The following NEDD4 variants were observed in gnomAD, a reference collection of about 807,000 sequenced individuals.
The protein encoded by NEDD4 is NEDD4 E3 ubiquitin protein ligase.
Under a neutral mutation model 144.9 loss-of-function variants are expected in NEDD4, and 99 were observed. The ratio of observed to expected loss-of-function variants is 0.68; its 90% CI spans 0.58 to 0.81. The LOEUF is 0.81. NEDD4 is among the 30% of genes least tolerant of loss of function. NEDD4 has a pLI of 0.00. For synonymous variants in NEDD4, 318 were observed against 350.6 expected, an observed-to-expected ratio of 0.91 and a Z score of 1.04; for missense variants, 985 against 1,065.9, an observed-to-expected ratio of 0.92 and a Z score of 1.06.
At position 55,865,177 on chromosome 15, in the gene NEDD4, G is replaced by A. The variant is rs192992605; in HGVS notation, c.508-2098C>T. ...CGCACCACTGCATACCAGCCTGGGC[G>A]ATAGAGCAAGACTCTGTCTCAAAAA... is the stretch of plus-strand genomic sequence containing the variant. On this transcript the variant is annotated intron_variant, in intron 8 of 28. Coordinates refer to ENST00000435532, the MANE Select transcript of NEDD4 (RefSeq NM_006154.4). 1.9e-3 allele frequency among the ~76,000 whole-genome samples: 232 copies of A among 120,996 alleles called. 1 individual carries two copies. Among genetic ancestry groups the A allele is most frequent in the African/African-American group, 7.2e-3 (228 of 31,622 alleles). The allele number at this position is 120,996 out of a possible 152,430, so 79.4% of individuals were successfully genotyped here. A position where few individuals can be genotyped will look rare whatever the true frequency, so the allele number is the denominator to read the frequency against.
intron 28 of NEDD4, 82 bp downstream of exon 28, chr15:55,830,432 G>T: frequency 8.2e-7 from 1 of 1,224,358 alleles, no homozygotes; most frequent in Non-Finnish European, 1.2e-6. Context: ...ACACAGAGGA[G>T]ACTAGCCCTG....
intron 1 of NEDD4, among the ~76,000 whole-genome samples, chr15:55,984,268 A>G (rs985232260): frequency 8.5e-5 from 13 of 152,198 alleles, no homozygotes; most frequent in African/African-American, 2.2e-4. Flanking sequence ...TTATTTGCGT[A>G]TTAGTAGCAG....
At chr15:55,836,168 C>G (rs753645702) in intron 24 of NEDD4, among the ~76,000 whole-genome samples, 3 of 152,164 alleles carry the variant, frequency 2.0e-5, no homozygotes, top group Non-Finnish European at 2.9e-5. Context: ...CTTTGCCCCT[C>G]CCTGGTTTGT....
At chr15:55,925,015 C>A (rs1032507819) in intron 4 of NEDD4, among the ~76,000 whole-genome samples, 7 of 152,180 alleles carry the variant, frequency 4.6e-5, no homozygotes, top group African/African-American at 1.7e-4. Flanking sequence ...CTGCAGTGAG[C>A]CAAGACTGTG....
intron 13 of NEDD4, among the ~76,000 whole-genome samples, chr15:55,851,726 C>G (rs185632566): frequency 3.1e-4 from 47 of 152,030 alleles, no homozygotes; most frequent in African/African-American, 1.0e-3. Flanking sequence ...ATCCTCCCAC[C>G]TTGGCCTCCC....
chr15:55,871,438 C>T (rs943202017), intron 7 of NEDD4, among the ~76,000 whole-genome samples: 9 of 152,064 alleles, frequency 5.9e-5, no homozygotes, highest in South Asian at 2.1e-4. Flanking sequence ...AAGATAAAGA[C>T]GCTAGAAAGC....
chr15:55,852,690 A>AATATATATATATATATATAT (rs59736982), intron 12 of NEDD4, 147 bp from the exon 13 acceptor site: 24 of 182,368 alleles, frequency 1.3e-4, no homozygotes, highest in African/African-American at 5.6e-4. Flanking sequence ...CTTTTCTAGA[A>AATATATATATATATATATAT]ATATATATAT....
intron 1 of NEDD4, among the ~76,000 whole-genome samples, chr15:55,972,703 G>A (rs2142340729): frequency 6.6e-6 from 1 of 152,220 alleles, no homozygotes; most frequent in East Asian, 1.9e-4. Flanking sequence ...AGTGGTTGAT[G>A]GATTAACAAA....
At chr15:55,836,991 C>T (rs1388822129) in intron 24 of NEDD4, among the ~76,000 whole-genome samples, 2 of 152,070 alleles carry the variant, frequency 1.3e-5, no homozygotes, top group South Asian at 2.1e-4. Flanking sequence ...TGTAAGTTAG[C>T]TTAAGAAATG....
At chr15:55,952,019 T>TAAA (rs761093380) in intron 2 of NEDD4, among the ~76,000 whole-genome samples, 1 of 139,598 alleles carries the variant, frequency 7.2e-6, no homozygotes, top group Non-Finnish European at 1.6e-5. Flanking sequence ...TGCTTTCACT[T>TAAA]AAAAAAAAAA....
chr15:55,970,404 G>C (rs1368694727), intron 1 of NEDD4, among the ~76,000 whole-genome samples: 1 of 152,150 alleles, frequency 6.6e-6, no homozygotes, highest in Non-Finnish European at 1.5e-5. Flanking sequence ...AAGAGCCATT[G>C]GGTCTTAAAT....
chr15:55,860,656 T>C lies in NEDD4; in HGVS notation c.792+5A>G. 6.2e-7 allele frequency: 1 copy of C among 1,613,994 alleles called. No homozygotes were observed. The highest frequency in any genetic ancestry group is 1.1e-5 in the South Asian group (1 of 91,074). On this transcript the variant is annotated splice_donor_5th_base_variant and intron_variant, in intron 10 of 28. Coordinates refer to ENST00000435532, the MANE Select transcript of NEDD4 (RefSeq NM_006154.4). ...TTTCAAGGAGAACTAGGAAACTACT[T>C]ATACCTCGGAAGACTCTCGGTTGTC...
intron 5 of NEDD4, among the ~76,000 whole-genome samples, chr15:55,907,319 A>G (rs913219543): frequency 3.9e-5 from 6 of 152,162 alleles, no homozygotes; most frequent in Non-Finnish European, 7.3e-5. Flanking sequence ...AAGAAATAAT[A>G]TCTGACTTTT....
chr15:55,877,970 T>C (rs2035051036), intron 5 of NEDD4, among the ~76,000 whole-genome samples: 1 of 152,186 alleles, frequency 6.6e-6, no homozygotes, highest in Non-Finnish European at 1.5e-5. Flanking sequence ...ACAAAAATGA[T>C]TCAGGTTCAG....
At chr15:55,840,359 T>G in intron 21 of NEDD4, 88 bp downstream of exon 21, 1 of 1,118,882 alleles carries the variant, frequency 8.9e-7, no homozygotes. Flanking sequence ...ATATATTAAT[T>G]TCCATGTCAT....
At chr15:55,901,597 G>A (rs2035916117) in intron 5 of NEDD4, among the ~76,000 whole-genome samples, 1 of 152,028 alleles carries the variant, frequency 6.6e-6, no homozygotes, top group African/African-American at 2.4e-5. Context: ...TCTTTGCTTT[G>A]GTTTCTTATG....
intron 18 of NEDD4, among the ~76,000 whole-genome samples, chr15:55,844,469 G>C (rs144600467): frequency 4.6e-5 from 7 of 152,090 alleles, no homozygotes; most frequent in East Asian, 1.9e-4. Context: ...GGAAGAAGAG[G>C]GGGGTACAAG....
At chr15:55,835,423 T>A (rs1350937814) in intron 24 of NEDD4, among the ~76,000 whole-genome samples, 1 of 130,830 alleles carries the variant, frequency 7.6e-6, no homozygotes, top group East Asian at 2.2e-4. Context: ...CTGTTCTGTT[T>A]TTTTTTTTTT....
chr15:55,839,999 A>AAAT (rs1566901067), intron 21 of NEDD4, among the ~76,000 whole-genome samples: 7 of 26,118 alleles, frequency 2.7e-4, no homozygotes, highest in Non-Finnish European at 4.7e-4. Flanking sequence ...AAAAAAAAAA[A>AAAT]ATATATATAT....
Sources: allele counts gnomAD v4.1 joint callset (sites outside exome capture counted in the v4.1 genomes callset), GRCh38; gene constraint gnomAD v4.1.1; transcripts MANE v1.5; gene names NCBI Gene and HGNC (gene_info 2026-07-23, HGNC 2026-07-21).